Variants in UNC5C observed in about 807,000 individuals in gnomAD.
UNC5C encodes the protein unc-5 netrin receptor C, also known as netrin receptor UNC5C.
In UNC5C, 47 loss-of-function variants were observed where a neutral mutation model predicts 99.8. The ratio of observed to expected loss-of-function variants is 0.47; its 90% CI spans 0.37 to 0.60. The LOEUF is 0.60. Ranked by LOEUF, UNC5C falls within the 20% of genes least tolerant of loss-of-function variation. The probability of loss-of-function intolerance (pLI) is 0.00; values close to 1 mark genes in which losing one functional copy is unlikely to be tolerated. For missense variants in UNC5C, 1,062 were observed against 1,165.9 expected, an observed-to-expected ratio of 0.91 and a Z score of 1.30; for synonymous variants, 487 against 452.2, an observed-to-expected ratio of 1.08 and a Z score of -0.98.
intron 4 of UNC5C, among the ~76,000 whole-genome samples, chr4:95,252,463 C>T (rs1043652938): frequency 1.3e-5 from 2 of 152,112 alleles, no homozygotes; most frequent in African/African-American, 4.8e-5. Flanking sequence ...ATTGTTTTTG[C>T]CAAGGATTTT....
intron 7 of UNC5C, among the ~76,000 whole-genome samples, chr4:95,238,567 T>C (rs116639677): frequency 2.4e-3 from 358 of 152,316 alleles, no homozygotes; most frequent in Non-Finnish European, 3.6e-3. Flanking sequence ...AACCAATTGT[T>C]GTTTTTCATT....
intron 1 of UNC5C, among the ~76,000 whole-genome samples, chr4:95,496,157 C>A (rs895576646): frequency 2.6e-5 from 4 of 151,726 alleles, no homozygotes; most frequent in Non-Finnish European, 2.9e-5. Context: ...AACTTAGCAA[C>A]AAGAAGAGTG....
chr4:95,493,360 G>A (rs769125474), intron 1 of UNC5C, among the ~76,000 whole-genome samples: 4 of 151,254 alleles, frequency 2.6e-5, no homozygotes, highest in South Asian at 4.2e-4. Context: ...ATTACAATGC[G>A]GAATTCATGG....
intron 1 of UNC5C, among the ~76,000 whole-genome samples, chr4:95,514,503 T>C (rs564306471): frequency 6.6e-6 from 1 of 152,004 alleles, no homozygotes; most frequent in Admixed American, 6.5e-5. Flanking sequence ...TATATACTTC[T>C]ATAATTTACT....
At chr4:95,271,183 A>G (rs1234571294) in intron 4 of UNC5C, among the ~76,000 whole-genome samples, 1 of 152,028 alleles carries the variant, frequency 6.6e-6, no homozygotes, top group East Asian at 1.9e-4. Context: ...CTGAATCTCT[A>G]CTGAGATAGA....
At chr4:95,221,277 G>A (rs761420169) in intron 7 of UNC5C, among the ~76,000 whole-genome samples, 1 of 152,136 alleles carries the variant, frequency 6.6e-6, no homozygotes, top group Non-Finnish European at 1.5e-5. Flanking sequence ...TTGTTAAATT[G>A]GTACTTCAGG....
intron 12 of UNC5C, among the ~76,000 whole-genome samples, chr4:95,201,986 T>C (rs1411910082): frequency 6.6e-6 from 1 of 152,144 alleles, no homozygotes. Context: ...CCCTCTACTA[T>C]TGCTGGTCAA....
At chr4:95,348,770 G>C (rs1743873949) in intron 1 of UNC5C, among the ~76,000 whole-genome samples, 1 of 151,306 alleles carries the variant, frequency 6.6e-6, no homozygotes, top group South Asian at 2.1e-4. Context: ...TTTTATGACT[G>C]AATGGTATTT....
chr4:95,292,122 C>T (rs1011869461), intron 3 of UNC5C, among the ~76,000 whole-genome samples: 2 of 150,688 alleles, frequency 1.3e-5, no homozygotes, highest in African/African-American at 4.9e-5. Context: ...AAAAAAGTAA[C>T]ACATAAGGCC....
chr4:95,328,040 C>CTTTTTTTTTTTTTTTTTTTTTTTTA, intron 2 of UNC5C, among the ~76,000 whole-genome samples: 1 of 87,092 alleles, frequency 1.1e-5, no homozygotes, highest in Non-Finnish European at 2.2e-5. Flanking sequence ...CAGGCAACTT[C>CTTTTTTTTTTTTTTTTTTTTTTTTA]TTTTTTTTTT....
In UNC5C at chr4:95,244,996, G is replaced by A; in HGVS notation, c.924C>T (p.Ala308=). ...ATTTACCTGGGCATAACGTAGTACA[G>A]GCTATTTTCTGCACACTCTGCCCTT... ...FCEGQSVQKI[A]CTTLCPVDGR... The change falls in exon 6 of 16, where the codon GCC becomes GCT. Residue 308 remains alanine (A), a synonymous_variant. Transcript: ENST00000453304. The A allele has an allele frequency of 6.2e-7, 1 of 1,613,910 alleles. No homozygotes were observed. The highest frequency in any genetic ancestry group is 1.1e-5 in the South Asian group (1 of 91,018).
chr4:95,183,095 G>C (rs934299898), intron 13 of UNC5C, 34 bp from the exon 14 acceptor site: 1 of 1,573,222 alleles, frequency 6.4e-7, no homozygotes, highest in African/African-American at 1.3e-5. Context: ...CACAATTGAA[G>C]GACTAATACC....
At chr4:95,190,717 A>G (rs1737048965) in intron 12 of UNC5C, among the ~76,000 whole-genome samples, 1 of 152,098 alleles carries the variant, frequency 6.6e-6, no homozygotes, top group Admixed American at 6.5e-5. Context: ...ATGCACATCT[A>G]CACACGCGAA....
At chr4:95,216,346 AT>A in intron 9 of UNC5C, 135 bp from the exon 10 acceptor site, 1 of 643,108 alleles carries the variant, frequency 1.6e-6, no homozygotes, top group Non-Finnish European at 2.6e-6. Context: ...GAGTTGCTCC[AT>A]TTTCCTTCCT....
intron 5 of UNC5C, chr4:95,248,181 G>A (rs964090686): frequency 8.5e-6 from 2 of 234,526 alleles, no homozygotes; most frequent in South Asian, 1.0e-4. Context: ...GTACTGTGGG[G>A]TAGGCAATAT....
chr4:95,187,319 A>G (rs550505838), intron 12 of UNC5C, among the ~76,000 whole-genome samples: 45 of 152,340 alleles, frequency 3.0e-4, no homozygotes, highest in Non-Finnish European at 5.9e-4. Flanking sequence ...AGACGTCTAA[A>G]GAGCAATCGA....
intron 4 of UNC5C, among the ~76,000 whole-genome samples, chr4:95,262,275 G>C (rs1439017786): frequency 6.6e-6 from 1 of 152,120 alleles, no homozygotes; most frequent in Non-Finnish European, 1.5e-5. Flanking sequence ...CAAATGATGG[G>C]TCACTGAACA....
At position 95,209,207 on chromosome 4, in the gene UNC5C, A is replaced by G. The variant is rs78733104; in HGVS notation, c.1734-2411T>C. Reference sequence around the variant, plus strand: ...GGCTCACAAAATTGGCACAAACATGATGGTACTCTGTATAATGCTATCGCT... The same window carrying G: ...GGCTCACAAAATTGGCACAAACATGGTGGTACTCTGTATAATGCTATCGCT... On this transcript the variant is annotated intron_variant, in intron 10 of 15. Transcript: ENST00000453304. 9.2e-3 allele frequency among the ~76,000 whole-genome samples: 1,394 copies of G among 152,244 alleles called. 25 individuals are homozygous for G. The highest frequency in any genetic ancestry group is 0.03 in the African/African-American group (1,246 of 41,524).
chr4:95,169,340 T>TC lies in UNC5C; in HGVS notation c.2689dup (p.Glu897GlyfsTer24). 1 of 1,614,226 alleles carries TC rather than the reference T, an allele frequency of 6.2e-7. No individual in the cohort carries two copies. Among genetic ancestry groups the TC allele is most frequent in the Non-Finnish European group, 8.5e-7 (1 of 1,180,046 alleles). ...GTTTCCATCTGGGAAGTTCTGTGCT[T>TC]CCCAAAGATCCAGGATTACGCCAGT... On this transcript the variant is annotated frameshift_variant, in exon 16 of 16. Transcript: ENST00000453304. LOFTEE classifies it high-confidence loss of function.
Sources: allele counts gnomAD v4.1 joint callset (sites outside exome capture counted in the v4.1 genomes callset), GRCh38; gene constraint gnomAD v4.1.1; transcripts MANE v1.5; gene names NCBI Gene and HGNC (gene_info 2026-07-23, HGNC 2026-07-21).